Variants in CD27 observed in about 807,000 individuals in gnomAD.
The protein encoded by CD27 is CD27 antigen.
A neutral mutation model predicts 25.9 loss-of-function variants in CD27; 16 were observed. The observed-to-expected ratio is 0.62, with a 90% CI of 0.42 to 0.94. The LOEUF (loss-of-function observed/expected upper bound fraction) is 0.94. Among genes scored for constraint, CD27 ranks in the 40% least tolerant of loss-of-function variants. The pLI is 0.00. For synonymous variants in CD27, 142 were observed against 124.3 expected, an observed-to-expected ratio of 1.14 and a Z score of -0.95; for missense variants, 300 against 333.2, an observed-to-expected ratio of 0.90 and a Z score of 0.78.
In CD27 at chr12:6,445,101, A is replaced by T. The variant is rs1949393950; in HGVS notation, c.6A>T (p.Ala2=). 1 of 1,604,454 alleles carries T rather than the reference A, an allele frequency of 6.2e-7. No homozygotes were observed. Among genetic ancestry groups the T allele is most frequent in the African/African-American group, 1.3e-5 (1 of 74,652 alleles). M[A]RPHPWWLCVL... The stretch of plus-strand genomic sequence containing the variant: ...GAGCCGCCTGGGCAGGGACCATGGC[A>T]CGGCCACATCCCTGGTGGCTGTGCG... Residue 2 remains alanine, a synonymous_variant, in exon 1 of 6, where the codon GCA becomes GCT. Coordinates refer to ENST00000266557, the MANE Select transcript of CD27 (RefSeq NM_001242.5). The surrounding 1 kb of genome is among the most constrained non-coding windows in gnomAD (Gnocchi z 4.5).
chr12:6,445,232 G>GT lies in CD27; in HGVS notation c.136+2dup. On this transcript the variant is annotated splice_donor_variant, in intron 1 of 5. Transcript: ENST00000266557. LOFTEE classifies it high-confidence loss of function. This position sits in a 1 kb window ranked among gnomAD's most constrained non-coding sequence, Gnocchi z 4.5. ...CTGTGCTGCCAGATGTGTGAGCCAGGTAAGAGGGGGCCTTGGTAAGGGCCA... is the reference window on the plus strand; with the variant it reads ...CTGTGCTGCCAGATGTGTGAGCCAGGTTAAGAGGGGGCCTTGGTAAGGGCCA... The GT allele has an allele frequency of 6.2e-7, 1 of 1,614,048 alleles. No individual in the cohort carries two copies. Among genetic ancestry groups the GT allele is most frequent in the Non-Finnish European group, 8.5e-7 (1 of 1,179,982 alleles).
chr12:6,451,371 G>A lies in CD27; in HGVS notation c.762G>A (p.Pro254=), dbSNP rs761470007. Reference sequence around the variant, plus strand: ...CCATCCAGGAGGATTACCGAAAACCGGAGCCTGCCTGCTCCCCCTGAGCCA... The same window carrying A: ...CCATCCAGGAGGATTACCGAAAACCAGAGCCTGCCTGCTCCCCCTGAGCCA... ...TIPIQEDYRK[P]EPACSP is the part of the protein sequence containing the mutation. The change falls in exon 6 of 6, where the codon CCG becomes CCA. Residue 254 remains proline (P), a synonymous_variant. Transcript: ENST00000266557. 2.5e-6 allele frequency: 4 copies of A among 1,613,386 alleles called. No homozygotes were observed. Among genetic ancestry groups the A allele is most frequent in the South Asian group, 1.1e-5 (1 of 91,060 alleles).
chr12:6,451,650 C>T lies in CD27; in HGVS notation c.*258C>T, dbSNP rs11569389. ...GGGCGGGGGCTCTGGTTGTAAAACA[C>T]ACTTCCTGCTGCGAAAGACCCACAT... is the stretch of plus-strand genomic sequence containing the variant. On this transcript the variant is annotated 3_prime_UTR_variant, in exon 6 of 6. Transcript: ENST00000266557. The T allele has an allele frequency of 4.6e-5, 21 of 453,860 alleles. No homozygotes were observed. Among genetic ancestry groups the T allele is most frequent in the Non-Finnish European group, 7.1e-5 (18 of 253,886 alleles). The allele number at this position is 453,860 out of a possible 1,614,324, so 28.1% of individuals were successfully genotyped here.
Position 6,450,629 on chromosome 12 carries a change from A to T in CD27, c.537A>T (p.Pro179=). The change falls in exon 4 of 6, where the codon CCA becomes CCT. Residue 179 remains proline (P), a splice_region_variant and synonymous_variant. Transcript: ENST00000266557. This position sits in a 1 kb window ranked among gnomAD's most constrained non-coding sequence, Gnocchi z 4.1. ...LPARTLSTHW[P]PQRSLCSSDF... ...CCCGGACTCTCTCTACCCACTGGCC[A>T]CGTGAGTTTTCTCCTTAATCCCCAC... 1.2e-6 allele frequency: 2 copies of T among 1,611,678 alleles called. No individual in the cohort carries two copies. The highest frequency in any genetic ancestry group is 1.7e-6 in the Non-Finnish European group (2 of 1,179,756).
chr12:6,450,118 T>C lies in CD27; in HGVS notation c.269-55T>C. On this transcript the variant is annotated intron_variant, in intron 2 of 5. Transcript: ENST00000266557. The surrounding 1 kb of genome is among the most constrained non-coding windows in gnomAD (Gnocchi z 4.1). ...GTTGGGGGATGAAGCAAGTGGACCTTGAAGGTCTCCACAGGTCTGAGTGTC... is the reference window on the plus strand; with the variant it reads ...GTTGGGGGATGAAGCAAGTGGACCTCGAAGGTCTCCACAGGTCTGAGTGTC... 6.6e-7 allele frequency: 1 copy of C among 1,525,720 alleles called. No homozygotes were observed. Among genetic ancestry groups the C allele is most frequent in the South Asian group, 1.2e-5 (1 of 84,218 alleles). 94.5% of individuals were successfully genotyped at this position (1,525,720 alleles called of 1,614,324 possible).
chr12:6,446,219 C>T (rs1480837582), intron 2 of CD27, among the ~76,000 whole-genome samples: 2 of 152,180 alleles, frequency 1.3e-5, no homozygotes. Context: ...TAGCAAGACA[C>T]TTTTTAGAAC....
rs771471713 is a variant in CD27, at chr12:6,450,661, A to G, written c.538+31A>G. Reference sequence around the variant, plus strand: ...TTTTCTCCTTAATCCCCACCGCTAGAGAGAATGCATACACGAGGGGCCAGG... The same window carrying G: ...TTTTCTCCTTAATCCCCACCGCTAGGGAGAATGCATACACGAGGGGCCAGG... On this transcript the variant is annotated intron_variant, in intron 4 of 5. Coordinates refer to ENST00000266557, the MANE Select transcript of CD27 (RefSeq NM_001242.5). The surrounding 1 kb of genome is among the most constrained non-coding windows in gnomAD (Gnocchi z 4.1). 1 of 1,587,574 alleles carries G rather than the reference A, an allele frequency of 6.3e-7. No individual in the cohort carries two copies. Among genetic ancestry groups the G allele is most frequent in the South Asian group, 1.1e-5 (1 of 90,606 alleles).
At chr12:6,444,555 A>G (rs1408390051), upstream of CD27, among the ~76,000 whole-genome samples, 2 of 149,652 alleles carry the variant, frequency 1.3e-5, no homozygotes, top group Non-Finnish European at 2.9e-5. Context: ...CCTGTGCTCA[A>G]TTCTGGTTCT....
chr12:6,446,233 G>A (rs911390756), intron 2 of CD27, among the ~76,000 whole-genome samples: 1 of 152,150 alleles, frequency 6.6e-6, no homozygotes, highest in Non-Finnish European at 1.5e-5. Context: ...TTAGAACCAG[G>A]TAACTGTAAC....
chr12:6,451,674 A>C lies in CD27; in HGVS notation c.*282A>C. ...ACACTTCCTGCTGCGAAAGACCCAC[A>C]TGCTACAAGACGGGCAAAATAAAGT... On this transcript the variant is annotated 3_prime_UTR_variant, in exon 6 of 6. Coordinates refer to ENST00000266557, the MANE Select transcript of CD27 (RefSeq NM_001242.5). 1 of 396,318 alleles carries C rather than the reference A, an allele frequency of 2.5e-6. No individual in the cohort carries two copies. Among genetic ancestry groups the C allele is most frequent in the East Asian group, 4.3e-5 (1 of 23,240 alleles). 24.6% of individuals were successfully genotyped at this position (396,318 alleles called of 1,614,324 possible). A position where few individuals can be genotyped will look rare whatever the true frequency, so the allele number is the denominator to read the frequency against.
chr12:6,451,363 C>T lies in CD27; in HGVS notation c.754C>T (p.Arg252Ter). The change falls in exon 6 of 6, where the codon CGA (arginine) becomes TGA (stop). Residue 252 changes from arginine to a stop codon, truncating the protein, a stop_gained. Transcript: ENST00000266557. LOFTEE classifies it high-confidence loss of function. ...GSTIPIQEDY[R>*]KPEPACSP is the part of the protein sequence containing the mutation. Reference sequence around the variant, plus strand: ...CACCATCCCCATCCAGGAGGATTACCGAAAACCGGAGCCTGCCTGCTCCCC... The same window carrying T: ...CACCATCCCCATCCAGGAGGATTACTGAAAACCGGAGCCTGCCTGCTCCCC... The T allele has an allele frequency of 6.2e-7, 1 of 1,613,726 alleles. No individual in the cohort carries two copies. Among genetic ancestry groups the T allele is most frequent in the Non-Finnish European group, 8.5e-7 (1 of 1,179,998 alleles).
intron 5 of CD27, 53 bp from the exon 6 acceptor site, chr12:6,451,215 C>T: frequency 2.5e-6 from 4 of 1,597,854 alleles, no homozygotes; most frequent in South Asian, 1.1e-5. Context: ...CTCCTTCTCC[C>T]GTCTCCCCCT....
At position 6,451,335 on chromosome 12, in the gene CD27, C is replaced by T; in HGVS notation, c.726C>T (p.Gly242=). 1 of 1,613,842 alleles carries T rather than the reference C, an allele frequency of 6.2e-7. No individual in the cohort carries two copies. Among genetic ancestry groups the T allele is most frequent in the Non-Finnish European group, 8.5e-7 (1 of 1,179,856 alleles). ...ACAGCTGCCCCAGGGAGGAGGAGGG[C>T]AGCACCATCCCCATCCAGGAGGATT... ...CHYSCPREEE[G]STIPIQEDYR... The change falls in exon 6 of 6, where the codon GGC becomes GGT. Residue 242 remains glycine (G), a synonymous_variant. Coordinates refer to ENST00000266557, the MANE Select transcript of CD27 (RefSeq NM_001242.5).
At position 6,449,563 on chromosome 12, in the gene CD27, T is replaced by C. The variant is rs142745106; in HGVS notation, c.269-610T>C. Among the ~76,000 whole-genome samples, 971 of 152,288 alleles carry C rather than the reference T, an allele frequency of 6.4e-3. 11 individuals are homozygous for C. Among genetic ancestry groups the C allele is most frequent in the African/African-American group, 0.022 (915 of 41,556 alleles). On this transcript the variant is annotated intron_variant, in intron 2 of 5. Transcript: ENST00000266557. Reference sequence around the variant, plus strand: ...ACTTTAATTAAAAGTTATTAAAGTATTGGGGCCGAGCACAGTGGCTCACGC... The same window carrying C: ...ACTTTAATTAAAAGTTATTAAAGTACTGGGGCCGAGCACAGTGGCTCACGC...
Position 6,450,234 on chromosome 12 carries a change from G to A in CD27, c.330G>A (p.Trp110Ter). 2.5e-6 allele frequency: 4 copies of A among 1,613,752 alleles called. No homozygotes were observed. The highest frequency in any genetic ancestry group is 3.4e-6 in the Non-Finnish European group (4 of 1,180,004). The change falls in exon 3 of 6, where the codon TGG becomes TGA. Residue 110 changes from tryptophan to a stop codon, truncating the protein, a stop_gained. Coordinates refer to ENST00000266557, the MANE Select transcript of CD27 (RefSeq NM_001242.5). LOFTEE classifies it high-confidence loss of function. The surrounding 1 kb of genome is among the most constrained non-coding windows in gnomAD (Gnocchi z 4.1). ...CTGAGTGTGCCTGTCGCAATGGCTG[G>A]CAGTGCAGGGACAAGGAGTGCACCG... ...ANAECACRNG[W>*]QCRDKECTEC...
In CD27 at chr12:6,450,365, C is replaced by T. The variant is rs1331194353; in HGVS notation, c.448+13C>T. Reference sequence around the variant, plus strand: ...CCTTATGTCAGTGGTAAGTTCCAGGCAACTCTCTGTGCCATCACGTGGGGT... The same window carrying T: ...CCTTATGTCAGTGGTAAGTTCCAGGTAACTCTCTGTGCCATCACGTGGGGT... On this transcript the variant is annotated intron_variant, in intron 3 of 5. Coordinates refer to ENST00000266557, the MANE Select transcript of CD27 (RefSeq NM_001242.5). This position sits in a 1 kb window ranked among gnomAD's most constrained non-coding sequence, Gnocchi z 4.1. The T allele has an allele frequency of 6.2e-7, 1 of 1,607,462 alleles. No homozygotes were observed. The highest frequency in any genetic ancestry group is 8.5e-7 in the Non-Finnish European group (1 of 1,177,808).
At position 6,450,624 on chromosome 12, in the gene CD27, T is replaced by G; in HGVS notation, c.532T>G (p.Trp178Gly). The G allele has an allele frequency of 6.2e-7, 1 of 1,611,972 alleles. No homozygotes were observed. Among genetic ancestry groups the G allele is most frequent in the Non-Finnish European group, 8.5e-7 (1 of 1,179,844 alleles). Reference sequence around the variant, plus strand: ...GCCTGCCCGGACTCTCTCTACCCACTGGCCACGTGAGTTTTCTCCTTAATC... The same window carrying G: ...GCCTGCCCGGACTCTCTCTACCCACGGGCCACGTGAGTTTTCTCCTTAATC... The part of the protein sequence containing the change: ...QLPARTLSTH[W>G]PPQRSLCSSD... Residue 178 changes from tryptophan to glycine, a missense_variant, in exon 4 of 6, where the codon TGG (tryptophan) becomes GGG (glycine). Physicochemically the swap from Trp to Gly is radical, Grantham distance 184 (BLOSUM62 -2). Transcript: ENST00000266557. The surrounding 1 kb of genome is among the most constrained non-coding windows in gnomAD (Gnocchi z 4.1).
intron 2 of CD27, chr12:6,447,685 CA>C (rs1039843900): frequency 6.6e-6 from 1 of 152,092 alleles, no homozygotes; most frequent in Non-Finnish European, 1.5e-5. Flanking sequence ...ACACAATGTG[CA>C]GGTTTGTTAC....
Position 6,450,918 on chromosome 12 carries a change from G to A in CD27, c.562G>A (p.Asp188Asn). The change falls in exon 5 of 6, where the codon GAT becomes AAT. Residue 188 changes from aspartate to asparagine, a missense_variant. Transcript: ENST00000266557. The surrounding 1 kb of genome is among the most constrained non-coding windows in gnomAD (Gnocchi z 4.1). ...WPPQRSLCSS[D>N]FIRILVIFSG... is the part of the protein sequence containing the mutation. ...AGCCCAAAGATCCCTGTGCAGCTCC[G>A]ATTTTATTCGCATCCTTGTGATCTT... 1 of 1,614,122 alleles carries A rather than the reference G, an allele frequency of 6.2e-7. No homozygotes were observed. The highest frequency in any genetic ancestry group is 8.5e-7 in the Non-Finnish European group (1 of 1,180,016).
Sources: allele counts gnomAD v4.1 joint callset (sites outside exome capture counted in the v4.1 genomes callset), GRCh38; gene constraint gnomAD v4.1.1; non-coding constraint Gnocchi (gnomAD v3.1); transcripts MANE v1.5; gene names NCBI Gene and HGNC (gene_info 2026-07-23, HGNC 2026-07-21).